Variants in ARHGEF33 observed in about 807,000 individuals in gnomAD.
ARHGEF33 encodes the protein DH and coiled-coil domain-containing protein ENSP00000381780.
ARHGEF33 carries 72 observed loss-of-function variants against 101.9 expected under a neutral mutation model. That is an observed-to-expected ratio of 0.71 (90% confidence interval 0.58 to 0.86). The LOEUF (loss-of-function observed/expected upper bound fraction) is 0.86. Among genes scored for constraint, ARHGEF33 ranks in the 40% least tolerant of loss-of-function variants. ARHGEF33 has a pLI of 0.00. For missense variants in ARHGEF33, 1,169 were observed against 1,111.3 expected (o/e 1.05, Z -0.74); for synonymous variants, 499 against 442.5 (o/e 1.13, Z -1.60).
At position 38,960,563 on chromosome 2, in the gene ARHGEF33, C is replaced by T; in HGVS notation, c.2258C>T (p.Ala753Val). The T allele has an allele frequency of 6.3e-6, 8 of 1,270,876 alleles. No individual in the cohort carries two copies. Among genetic ancestry groups the T allele is most frequent in the Non-Finnish European group, 8.1e-6 (8 of 991,546 alleles). The allele number at this position is 1,270,876 out of a possible 1,614,324, so 78.7% of individuals were successfully genotyped here. A position where few individuals can be genotyped will look rare whatever the true frequency, so the allele number is the denominator to read the frequency against. Residue 753 changes from alanine to valine, a missense_variant, in exon 16 of 18, where the codon GCC becomes GTC. Transcript: ENST00000409978. ...CAGGCGCACGGCCCGGCCGCCGCCG[C>T]CGTCGCCGCCCGCGGCGCATCCAGG... The part of the protein sequence containing the change: ...AAQAHGPAAA[A>V]VAARGASRTF...
At chr2:38,956,771 G>A in intron 13 of ARHGEF33, 128 bp from the exon 14 acceptor site, 2 of 1,131,060 alleles carry the variant, frequency 1.8e-6, no homozygotes, top group Non-Finnish European at 2.5e-6. Context: ...TGGGGGTCAT[G>A]TGTATTGTTC....
chr2:38,914,130 A>C (rs1483435158), intron 2 of ARHGEF33, among the ~76,000 whole-genome samples: 1 of 152,248 alleles, frequency 6.6e-6, no homozygotes, highest in Non-Finnish European at 1.5e-5. Context: ...GGAGAAAGGT[A>C]TTCAGGCAAT....
intron 2 of ARHGEF33, among the ~76,000 whole-genome samples, chr2:38,896,861 C>T (rs1666133432): frequency 6.6e-6 from 1 of 152,176 alleles, no homozygotes. Context: ...AGCATAACCA[C>T]TGTTAGTAGT....
At chr2:38,896,825 T>C (rs1666132649) in intron 2 of ARHGEF33, among the ~76,000 whole-genome samples, 1 of 152,232 alleles carries the variant, frequency 6.6e-6, no homozygotes, top group Non-Finnish European at 1.5e-5. Context: ...CCCATCATCC[T>C]ACCCCTAACC....
intron 16 of ARHGEF33, among the ~76,000 whole-genome samples, chr2:38,961,962 C>A (rs1259649569): frequency 6.6e-6 from 1 of 152,016 alleles, no homozygotes; most frequent in Non-Finnish European, 1.5e-5. Context: ...GGAAATTAGG[C>A]CAGAGGAACA....
intron 1 of ARHGEF33, among the ~76,000 whole-genome samples, chr2:38,894,430 A>AT (rs904325249): frequency 6.6e-6 from 1 of 151,584 alleles, no homozygotes; most frequent in African/African-American, 2.4e-5. Context: ...GGGGAAAAAA[A>AT]AAAAGAATAA....
At chr2:38,896,936 G>T (rs1294851100) in intron 2 of ARHGEF33, among the ~76,000 whole-genome samples, 2 of 151,514 alleles carry the variant, frequency 1.3e-5, no homozygotes, top group East Asian at 1.9e-4. Flanking sequence ...CTTTTTTTGA[G>T]ACTGAGTCTC....
At chr2:38,903,090 C>T (rs537371961) in intron 2 of ARHGEF33, among the ~76,000 whole-genome samples, 2 of 152,248 alleles carry the variant, frequency 1.3e-5, no homozygotes, top group East Asian at 1.9e-4. Context: ...GCTCTTCTTC[C>T]TCATATCCCT....
At chr2:38,926,973 A>C (rs1004112601) in intron 4 of ARHGEF33, among the ~76,000 whole-genome samples, 2 of 152,236 alleles carry the variant, frequency 1.3e-5, no homozygotes, top group African/African-American at 4.8e-5. Context: ...ATAATGAAAA[A>C]TTACCAGATC....
chr2:38,910,235 T>C (rs1313565310), intron 2 of ARHGEF33, among the ~76,000 whole-genome samples: 1 of 152,196 alleles, frequency 6.6e-6, no homozygotes, highest in Non-Finnish European at 1.5e-5. Context: ...ATTTCAATAA[T>C]GTATGTTTTC....
chr2:38,951,177 T>G, intron 11 of ARHGEF33, 56 bp downstream of exon 11: 2 of 1,502,308 alleles, frequency 1.3e-6, no homozygotes, highest in East Asian at 2.5e-5. Context: ...GTGTCTCATT[T>G]GTCTACTTCT....
intron 2 of ARHGEF33, among the ~76,000 whole-genome samples, chr2:38,909,706 ATTTTTTTTTT>A (rs71813216): frequency 8.9e-5 from 10 of 111,836 alleles, no homozygotes; most frequent in Admixed American, 7.1e-4. Context: ...TTCAAGGATG[ATTTTTTTTTT>A]TTTTTTTTTG....
chr2:38,964,722 CCTT>C (rs571640228), intron 16 of ARHGEF33, among the ~76,000 whole-genome samples: 145 of 152,160 alleles, frequency 9.5e-4, no homozygotes, highest in Non-Finnish European at 1.4e-3. Context: ...CCACTGCTCA[CCTT>C]CTGCTGTGTG....
chr2:38,930,045 A>G (rs1229017041), intron 6 of ARHGEF33, among the ~76,000 whole-genome samples: 1 of 152,258 alleles, frequency 6.6e-6, no homozygotes, highest in African/African-American at 2.4e-5. Context: ...ACGATATGTA[A>G]AATGAAAGTG....
chr2:38,936,283 T>C (rs915630917), intron 8 of ARHGEF33, among the ~76,000 whole-genome samples: 1 of 152,216 alleles, frequency 6.6e-6, no homozygotes, highest in South Asian at 2.1e-4. Flanking sequence ...AGGATTTACT[T>C]AATTGACAAT....
At position 38,935,762 on chromosome 2, in the gene ARHGEF33, C is replaced by T; in HGVS notation, c.506-13C>T. 2 of 1,551,280 alleles carry T rather than the reference C, an allele frequency of 1.3e-6. No individual in the cohort carries two copies. Among genetic ancestry groups the T allele is most frequent in the Non-Finnish European group, 1.7e-6 (2 of 1,146,452 alleles). The stretch of plus-strand genomic sequence containing the variant: ...GGAATGAACGCTGAATGAATGCTTT[C>T]CTTTCTCTGCAGCCCAAGAGTCCAG... On this transcript the variant is annotated splice_polypyrimidine_tract_variant and intron_variant, in intron 7 of 17. Transcript: ENST00000409978.
intron 2 of ARHGEF33, among the ~76,000 whole-genome samples, chr2:38,902,594 T>G (rs1666273934): frequency 6.6e-6 from 1 of 152,212 alleles, no homozygotes; most frequent in South Asian, 2.1e-4. Context: ...ATTCCTTAGC[T>G]AAATATTGCA....
intron 2 of ARHGEF33, among the ~76,000 whole-genome samples, chr2:38,918,223 A>G (rs772960157): frequency 1.3e-5 from 2 of 152,196 alleles, no homozygotes; most frequent in African/African-American, 4.8e-5. Context: ...ATTTCCTAAT[A>G]TATTTCTAAC....
In ARHGEF33 at chr2:38,966,269, C is replaced by T. The variant is rs1668050443; in HGVS notation, c.2483+124C>T. The T allele has an allele frequency of 3.7e-5, 46 of 1,254,674 alleles. No individual in the cohort carries two copies. The South Asian group carries it at 7.5e-4, about 20-fold the overall frequency. The allele number at this position is 1,254,674 out of a possible 1,614,324, so 77.7% of individuals were successfully genotyped here. Reference sequence around the variant, plus strand: ...ACAACTGCTTCAAGTACAGTGCCTGCACCCAGTAGCCACAGTTCCGGCGGG... The same window carrying T: ...ACAACTGCTTCAAGTACAGTGCCTGTACCCAGTAGCCACAGTTCCGGCGGG... On this transcript the variant is annotated intron_variant, in intron 17 of 17. Transcript: ENST00000409978.
Sources: gnomAD v4.1 joint callset for allele counts (sites outside exome capture counted in the v4.1 genomes callset) on GRCh38, gnomAD v4.1.1 for gene constraint, MANE v1.5 for transcripts, NCBI Gene and HGNC (gene_info 2026-07-23, HGNC 2026-07-21) for gene names.